Variants in IL5RA observed in about 807,000 individuals in gnomAD.
The protein encoded by IL5RA is interleukin-5 receptor subunit alpha.
IL5RA carries 49 observed loss-of-function variants against 50.0 expected under a neutral mutation model. The ratio of observed to expected loss-of-function variants is 0.98; its 90% confidence interval spans 0.78 to 1.24. IL5RA has a LOEUF of 1.24. Ranked by LOEUF, IL5RA falls within the 50% of genes most tolerant of loss-of-function variation. IL5RA has a pLI of 0.00. For missense variants in IL5RA, 600 were observed against 500.4 expected (o/e 1.20, Z -1.90); for synonymous variants, 202 against 174.0 (o/e 1.16, Z -1.26).
chr3:3,108,764 G>A (rs1280086593), intron 1 of IL5RA, 73 bp from the exon 2 acceptor site: 2 of 152,218 alleles, frequency 1.3e-5, no homozygotes, highest in Non-Finnish European at 2.9e-5. Flanking sequence ...AGAGGAATGA[G>A]TTAGGTCAGG....
chr3:3,092,450 A>T lies in IL5RA; in HGVS notation c.856-88T>A. ...CAGAATGGGAGGTCCTATATAGGTC[A>T]TGTGACTCACTGTTCAGCAAGTCCT... On this transcript the variant is annotated intron_variant, in intron 8 of 11. Transcript: ENST00000446632. This position sits in a 1 kb window ranked among gnomAD's most constrained non-coding sequence, Gnocchi z 4.2. The T allele has an allele frequency of 8.3e-7, 1 of 1,212,072 alleles. No homozygotes were observed. Among genetic ancestry groups the T allele is most frequent in the African/African-American group, 1.5e-5 (1 of 66,852 alleles). 75.1% of individuals were successfully genotyped at this position (1,212,072 alleles called of 1,614,324 possible).
intron 5 of IL5RA, among the ~76,000 whole-genome samples, chr3:3,100,800 A>T (rs1474422932): frequency 2.6e-5 from 4 of 152,078 alleles, no homozygotes; most frequent in Admixed American, 2.6e-4. Flanking sequence ...TAGTCTCTGT[A>T]CTTGGGATCA....
intron 5 of IL5RA, among the ~76,000 whole-genome samples, chr3:3,100,109 C>T (rs6442777): frequency 0.4 from 60,556 of 152,040 alleles, 13,174 homozygotes; most frequent in African/African-American, 0.57. Context: ...GAAACACTGG[C>T]CTTGTTGGTG....
At chr3:3,101,874 G>C (rs765908228) in intron 4 of IL5RA, 44 bp from the exon 5 acceptor site, 12 of 1,531,940 alleles carry the variant, frequency 7.8e-6, no homozygotes, top group East Asian at 4.5e-5. Flanking sequence ...AAGAGAACTA[G>C]ACTTAAGAGA....
chr3:3,067,218 T>A lies in IL5RA; in HGVS notation c.*3007A>T, dbSNP rs999172825. 1.3e-5 allele frequency: 2 copies of A among 152,196 alleles called. No individual in the cohort carries two copies. Among genetic ancestry groups the A allele is most frequent in the Non-Finnish European group, 2.9e-5 (2 of 68,038 alleles). 9.4% of individuals were successfully genotyped at this position (152,196 alleles called of 1,614,324 possible). A position where few individuals can be genotyped will look rare whatever the true frequency, so the allele number is the denominator to read the frequency against. The stretch of plus-strand genomic sequence containing the variant: ...ACTTTGGCAGCAAAAACATCCAGGT[T>A]GCAGTAGCCCAGTTGTTAGGCACAT... On this transcript the variant is annotated 3_prime_UTR_variant, in exon 12 of 12. Coordinates refer to ENST00000446632, the MANE Select transcript of IL5RA (RefSeq NM_175726.4).
chr3:3,074,399 T>C lies in IL5RA; in HGVS notation c.1176+383A>G, dbSNP rs565799649. On this transcript the variant is annotated intron_variant, in intron 11 of 11. Transcript: ENST00000446632. The stretch of plus-strand genomic sequence containing the variant: ...GGCATGGCTGATATGAAATTAAAAT[T>C]TAAGTCTAACTGTCAAGAACACTTA... Among the ~76,000 whole-genome samples the C allele has an allele frequency of 6.9e-4, 105 of 152,302 alleles. 1 individual carries two copies. The highest frequency in any genetic ancestry group is 1.0e-3 in the Non-Finnish European group (71 of 68,024).
chr3:3,072,780 C>T (rs375273808), intron 11 of IL5RA, among the ~76,000 whole-genome samples: 5 of 152,268 alleles, frequency 3.3e-5, no homozygotes, highest in East Asian at 3.9e-4. Flanking sequence ...GGCGTGGTGG[C>T]GGGCACCTGT....
chr3:3,082,442 G>A (rs916899459), intron 9 of IL5RA, among the ~76,000 whole-genome samples: 1 of 152,228 alleles, frequency 6.6e-6, no homozygotes, highest in Non-Finnish European at 1.5e-5. Context: ...GCCTATTCTT[G>A]TAAGGAGGAG....
rs113562908 is a variant in IL5RA, at chr3:3,076,546, G to A, written c.1076C>T (p.Ser359Leu). 3.3e-4 allele frequency: 524 copies of A among 1,606,546 alleles called. 4 individuals are homozygous for A. The African/African-American group carries it at 4.8e-3, about 15-fold the overall frequency. ...GAACACTTACATTTTACAGATAAGC[G>A]AGAGAATTAACAAGATGAAGCAGAT... ...ATICFILLIL[S>L]LICKICHLWI... Residue 359 changes from serine (S) to leucine (L), a missense_variant, in exon 10 of 12, where the codon TCG becomes TTG. Coordinates refer to ENST00000446632, the MANE Select transcript of IL5RA (RefSeq NM_175726.4).
intron 11 of IL5RA, among the ~76,000 whole-genome samples, chr3:3,070,530 CATA>C (rs1302870890): frequency 6.7e-6 from 1 of 148,400 alleles, no homozygotes; most frequent in East Asian, 2.0e-4. Flanking sequence ...TCTTTCTAGG[CATA>C]ATGTTTTCTT....
intron 8 of IL5RA, among the ~76,000 whole-genome samples, chr3:3,094,116 T>A (rs1279696547): frequency 2.0e-5 from 3 of 152,246 alleles, no homozygotes; most frequent in African/African-American, 7.2e-5. Flanking sequence ...GTTTTTTTAA[T>A]TGTAAAATAC....
chr3:3,080,785 C>A (rs753351901), intron 9 of IL5RA, among the ~76,000 whole-genome samples: 2 of 152,156 alleles, frequency 1.3e-5, no homozygotes, highest in African/African-American at 4.8e-5. Flanking sequence ...GATTCTAACT[C>A]CTGGGTTCAA....
rs1703165117 is a variant in IL5RA, at chr3:3,092,397, A to G, written c.856-35T>C. Reference sequence around the variant, plus strand: ...GAAAGATAGCATTAGAAGAATCTCTAGACACCTAATTTAGTTCTGCCGATT... The same window carrying G: ...GAAAGATAGCATTAGAAGAATCTCTGGACACCTAATTTAGTTCTGCCGATT... On this transcript the variant is annotated intron_variant, in intron 8 of 11. Coordinates refer to ENST00000446632, the MANE Select transcript of IL5RA (RefSeq NM_175726.4). This position sits in a 1 kb window ranked among gnomAD's most constrained non-coding sequence, Gnocchi z 4.2. 1 of 1,601,850 alleles carries G rather than the reference A, an allele frequency of 6.2e-7. No individual in the cohort carries two copies. The highest frequency in any genetic ancestry group is 1.3e-5 in the African/African-American group (1 of 74,914).
At chr3:3,095,629 T>A (rs12632952) in intron 7 of IL5RA, among the ~76,000 whole-genome samples, 185 bp from the exon 8 acceptor site, 20,519 of 152,182 alleles carry the variant, frequency 0.13, 1,656 homozygotes, top group Middle Eastern at 0.23. Flanking sequence ...AATACTCTTG[T>A]CTTATAGTGC....
chr3:3,109,359 CTACTT>C (rs1418964266), intron 1 of IL5RA, among the ~76,000 whole-genome samples: 5 of 152,180 alleles, frequency 3.3e-5, no homozygotes, highest in African/African-American at 1.2e-4. Flanking sequence ...GTGCCTCTCT[CTACTT>C]TTTGTTGTTG....
intron 11 of IL5RA, among the ~76,000 whole-genome samples, chr3:3,072,231 G>A (rs1408215011): frequency 6.6e-6 from 1 of 152,216 alleles, no homozygotes; most frequent in Non-Finnish European, 1.5e-5. Flanking sequence ...GAGAATTTAG[G>A]CCATAGAGCC....
chr3:3,074,720 A>T, intron 11 of IL5RA, 62 bp downstream of exon 11: 1 of 941,182 alleles, frequency 1.1e-6, no homozygotes, highest in Non-Finnish European at 1.7e-6. Context: ...GAACCGAATG[A>T]CAGCTCCCAG....
chr3:3,098,046 C>T lies in IL5RA; in HGVS notation c.533G>A (p.Trp178Ter). 6.2e-7 allele frequency: 1 copy of T among 1,614,132 alleles called. No individual in the cohort carries two copies. Among genetic ancestry groups the T allele is most frequent in the Non-Finnish European group, 8.5e-7 (1 of 1,180,012 alleles). Reference sequence around the variant, plus strand: ...GCTGTATTCTTGGCATTCTTCAGTCCAAGAGCCATACCTAAATTGGAACAT... The same window carrying T: ...GCTGTATTCTTGGCATTCTTCAGTCTAAGAGCCATACCTAAATTGGAACAT... ...QYFLYYRYGS[W>*]TEECQEYSKD... Residue 178 changes from tryptophan to a stop codon, truncating the protein, a stop_gained, in exon 7 of 12, where the codon TGG becomes TAG. Transcript: ENST00000446632. LOFTEE classifies it high-confidence loss of function.
chr3:3,096,423 T>C (rs376867278), intron 7 of IL5RA, among the ~76,000 whole-genome samples: 14 of 152,290 alleles, frequency 9.2e-5, no homozygotes, highest in East Asian at 7.7e-4. Context: ...TCTTAATGAG[T>C]GTCCTTGTCT....
Sources: allele counts gnomAD v4.1 joint callset (sites outside exome capture counted in the v4.1 genomes callset), GRCh38; gene constraint gnomAD v4.1.1; non-coding constraint Gnocchi (gnomAD v3.1); transcripts MANE v1.5; gene names NCBI Gene and HGNC (gene_info 2026-07-23, HGNC 2026-07-21).